TULP4: variants seen among roughly 807,000 people sequenced by gnomAD.
The protein encoded by TULP4 is TUB like protein 4, also known as tubby-related protein 4.
Under a neutral mutation model 129.0 loss-of-function variants are expected in TULP4, and 16 were observed. The observed-to-expected ratio is 0.12, with a 90% CI of 0.08 to 0.19. The LOEUF (loss-of-function observed/expected upper bound fraction) is 0.19. Ranked by LOEUF, TULP4 falls within the 10% of genes least tolerant of loss-of-function variation. TULP4 has a pLI of 1.00. For missense variants in TULP4, 1,842 were observed against 2,059.1 expected (o/e 0.89, Z 2.04); for synonymous variants, 998 against 854.0 (o/e 1.17, Z -2.94).
chr6:158,341,485 A>G (rs1780179770), intron 1 of TULP4, among the ~76,000 whole-genome samples: 1 of 152,138 alleles, frequency 6.6e-6, no homozygotes, highest in Non-Finnish European at 1.5e-5. Flanking sequence ...TGGTAGTTCT[A>G]TTTTTAGTTT....
intron 1 of TULP4, among the ~76,000 whole-genome samples, chr6:158,381,244 A>C (rs1777318619): frequency 6.6e-6 from 1 of 151,892 alleles, no homozygotes; most frequent in African/African-American, 2.4e-5. Flanking sequence ...TCCACAAAGT[A>C]AATACAGCAC....
rs546845146 is a variant in TULP4, at chr6:158,497,256, G to A, written c.1871-1413G>A. ...TACTAGAGAACAGAAATTAACTATTGAATACTAGAAGGTATGTTATATGTG... is the reference window on the plus strand; with the variant it reads ...TACTAGAGAACAGAAATTAACTATTAAATACTAGAAGGTATGTTATATGTG... On this transcript the variant is annotated intron_variant, in intron 11 of 13. Transcript: ENST00000367097. Among the ~76,000 whole-genome samples the A allele has an allele frequency of 2.8e-4, 42 of 152,262 alleles. 1 individual carries two copies. In the South Asian group the frequency reaches 8.3e-3, roughly 30 times the overall value.
chr6:158,445,666 G>A (rs995575502), intron 3 of TULP4, among the ~76,000 whole-genome samples: 1 of 152,188 alleles, frequency 6.6e-6, no homozygotes, highest in Non-Finnish European at 1.5e-5. Context: ...CACCTGCCAT[G>A]AACCAGCTGA....
intron 1 of TULP4, among the ~76,000 whole-genome samples, chr6:158,345,814 G>A (rs1197074698): frequency 6.6e-6 from 1 of 152,082 alleles, no homozygotes; most frequent in African/African-American, 2.4e-5. Context: ...ACCAGGGCAG[G>A]GTTTTTCCCT....
rs117967590 is a variant in TULP4 at position 158,470,764 on chromosome 6, A to C, written c.1027-8987A>C. Among the ~76,000 whole-genome samples the C allele has an allele frequency of 4.1e-3, 628 of 152,356 alleles. 2 individuals are homozygous for C. Among genetic ancestry groups the C allele is most frequent in the South Asian group, 8.7e-3 (42 of 4,828 alleles). ...AATGGTGATGGAAGTCACATGGTAAAAGATTTTTCGTTCATTCAGTCATCT... is the reference window on the plus strand; with the variant it reads ...AATGGTGATGGAAGTCACATGGTAACAGATTTTTCGTTCATTCAGTCATCT... On this transcript the variant is annotated intron_variant, in intron 6 of 13. Transcript: ENST00000367097.
chr6:158,246,023 G>GGGGTGTGTGTGTGTGT (rs113914160), intron 1 of TULP4, among the ~76,000 whole-genome samples: 9 of 145,822 alleles, frequency 6.2e-5, no homozygotes, highest in Non-Finnish European at 7.5e-5. Flanking sequence ...ACCCCTTAGG[G>GGGGTGTGTGTGTGTGT]GTGTGTGTGT....
At chr6:158,487,285 A>G (rs575098725) in intron 8 of TULP4, among the ~76,000 whole-genome samples, 38 of 151,970 alleles carry the variant, frequency 2.5e-4, no homozygotes, top group African/African-American at 8.7e-4. Context: ...AAGAAAATAC[A>G]AAAAATTAGC....
At chr6:158,391,369 G>A (rs982057764) in intron 1 of TULP4, among the ~76,000 whole-genome samples, 1 of 152,182 alleles carries the variant, frequency 6.6e-6, no homozygotes, top group African/African-American at 2.4e-5. Flanking sequence ...ATAATTGTAT[G>A]TGTAGAGTGC....
At chr6:158,350,722 A>G (rs1780495603) in intron 1 of TULP4, among the ~76,000 whole-genome samples, 2 of 151,576 alleles carry the variant, frequency 1.3e-5, no homozygotes, top group African/African-American at 2.4e-5. Context: ...GAGACCGTAG[A>G]AAGAAAGGAA....
Position 158,508,141 on chromosome 6 carries a change from T to TTTG in TULP4, c.*1456_*1458dup. The TTTG allele has an allele frequency of 6.6e-6, 1 of 151,190 alleles. No individual in the cohort carries two copies. Among genetic ancestry groups the TTTG allele is most frequent in the South Asian group, 2.1e-4 (1 of 4,822 alleles). The allele number at this position is 151,190 out of a possible 1,614,324, so 9.4% of individuals were successfully genotyped here. ...GCCCTGATGACAAAACCCAGTGTTTTTTGTTGTTGTTTTTTGTTGTTGTTT... is the reference window on the plus strand; with the variant it reads ...GCCCTGATGACAAAACCCAGTGTTTTTTGTTGTTGTTGTTTTTTGTTGTTGTTT... On this transcript the variant is annotated 3_prime_UTR_variant, in exon 14 of 14. Transcript: ENST00000367097.
At chr6:158,237,674 C>A (rs746309664) in intron 1 of TULP4, 4 of 1,184,022 alleles carry the variant, frequency 3.4e-6, no homozygotes, top group Admixed American at 3.7e-5. Flanking sequence ...GGCAATTTTC[C>A]CTTCTTTTTC....
At chr6:158,506,535 C>T in intron 13 of TULP4, 43 bp from the exon 14 acceptor site, 1 of 1,390,722 alleles carries the variant, frequency 7.2e-7, no homozygotes, top group South Asian at 1.2e-5. Context: ...CTGGCCTTTT[C>T]ACCTTATTCT....
At chr6:158,365,375 A>G (rs1053727358) in intron 1 of TULP4, among the ~76,000 whole-genome samples, 6 of 149,244 alleles carry the variant, frequency 4.0e-5, no homozygotes, top group African/African-American at 1.5e-4. Flanking sequence ...TTGTTTTCAT[A>G]ACTACTGCCT....
Position 158,240,665 on chromosome 6 carries a change from C to A in TULP4, n.68+8362C>A, listed in dbSNP as rs1213033301. ...GGTGGAGGCTGACCCCCCCACCTCC[C>A]TCCCAGACGGGGCAGCTGGCCAGGC... On this transcript the variant is annotated intron_variant and non_coding_transcript_variant, in intron 1 of 1. Transcript: ENST00000620026. Among the ~76,000 whole-genome samples the A allele has an allele frequency of 5.2e-5, 6 of 115,112 alleles. 2 individuals carry two copies. Among genetic ancestry groups the A allele is most frequent in the Non-Finnish European group, 1.2e-4 (6 of 50,006 alleles). The allele number at this position is 115,112 out of a possible 152,430, so 75.5% of individuals were successfully genotyped here.
intron 1 of TULP4, among the ~76,000 whole-genome samples, chr6:158,291,382 A>G (rs578084429): frequency 1.3e-5 from 2 of 152,218 alleles, no homozygotes; most frequent in South Asian, 2.1e-4. Flanking sequence ...TTTGGCAGCC[A>G]GTGCCGCTGT....
At chr6:158,302,045 C>G (rs1779141017) in intron 1 of TULP4, among the ~76,000 whole-genome samples, 1 of 152,144 alleles carries the variant, frequency 6.6e-6, no homozygotes, top group Non-Finnish European at 1.5e-5. Context: ...TGTAATCCAG[C>G]CTCTTTAACA....
chr6:158,490,939 G>A (rs1308898056), intron 9 of TULP4, among the ~76,000 whole-genome samples: 1 of 152,060 alleles, frequency 6.6e-6, no homozygotes, highest in Non-Finnish European at 1.5e-5. Context: ...ATGGATATTT[G>A]TAGTTTCCAG....
chr6:158,453,638 A>G (rs998654497), intron 5 of TULP4, among the ~76,000 whole-genome samples: 3 of 151,114 alleles, frequency 2.0e-5, no homozygotes, highest in Non-Finnish European at 4.4e-5. Context: ...AAAATACACA[A>G]ATTAGCTGGG....
At chr6:158,492,150 A>G (rs755758280) in intron 9 of TULP4, among the ~76,000 whole-genome samples, 11 of 152,230 alleles carry the variant, frequency 7.2e-5, no homozygotes, top group Non-Finnish European at 1.3e-4. Flanking sequence ...GAGCCACCGC[A>G]CCCAGCCAAG....
Sources: gnomAD v4.1 joint callset for allele counts (sites outside exome capture counted in the v4.1 genomes callset) on GRCh38, gnomAD v4.1.1 for gene constraint, MANE v1.5 for transcripts, NCBI Gene and HGNC (gene_info 2026-07-23, HGNC 2026-07-21) for gene names.